Variants in THBS2 observed in about 807,000 individuals in gnomAD.
THBS2 encodes the protein thrombospondin-2.
A neutral mutation model predicts 135.2 loss-of-function variants in THBS2; 47 were observed. That is an observed-to-expected ratio of 0.35 (90% CI 0.28 to 0.44). The LOEUF is 0.44. THBS2 is among the 20% of genes least tolerant of loss of function. THBS2 has a pLI of 1.00. For missense variants in THBS2, 1,288 were observed against 1,603.1 expected (o/e 0.80, Z 3.36); for synonymous variants, 639 against 633.8 (o/e 1.01, Z -0.12).
intron 13 of THBS2, among the ~76,000 whole-genome samples, chr6:169,230,348 C>T (rs1399133867): frequency 6.6e-6 from 1 of 152,048 alleles, no homozygotes; most frequent in Non-Finnish European, 1.5e-5. Flanking sequence ...AGTTTCAGTA[C>T]AAGAGCCCCA....
intron 2 of THBS2, among the ~76,000 whole-genome samples, chr6:169,249,333 C>T (rs763425119): frequency 2.7e-4 from 41 of 152,158 alleles, no homozygotes; most frequent in Non-Finnish European, 5.3e-4. Flanking sequence ...GAGGGAATCC[C>T]GGCCTCGCTT....
rs904240789 is a variant in THBS2 at position 169,217,175 on chromosome 6, G to A, written c.*647C>T. 3 of 152,276 alleles carry A rather than the reference G, an allele frequency of 2.0e-5. No individual in the cohort carries two copies. The highest frequency in any genetic ancestry group is 7.2e-5 in the African/African-American group (3 of 41,460). The allele number at this position is 152,276 out of a possible 1,614,324, so 9.4% of individuals were successfully genotyped here. A position where few individuals can be genotyped will look rare whatever the true frequency, so the allele number is the denominator to read the frequency against. On this transcript the variant is annotated 3_prime_UTR_variant, in exon 22 of 22. Coordinates refer to ENST00000617924, the MANE Select transcript of THBS2 (RefSeq NM_003247.5). ...TCTACTGCACATGAGGGCTTTCATT[G>A]TAGGACAAGAGGAGAGTTCGTTTAT...
chr6:169,237,507 C>A, intron 8 of THBS2, 118 bp downstream of exon 8: 1 of 1,531,154 alleles, frequency 6.5e-7, no homozygotes, highest in Non-Finnish European at 8.9e-7. Flanking sequence ...TGGCTAGAAT[C>A]CTTGCAAAGG....
At chr6:169,237,027 T>C in intron 9 of THBS2, 143 bp downstream of exon 9, 2 of 916,924 alleles carry the variant, frequency 2.2e-6, no homozygotes, top group Non-Finnish European at 3.2e-6. Flanking sequence ...AGGCCCGGGA[T>C]GGCAGCCCCC....
At chr6:169,227,172 A>G (rs6940324) in intron 15 of THBS2, among the ~76,000 whole-genome samples, 98,303 of 151,816 alleles carry the variant, frequency 0.65, 32,785 homozygotes, top group African/African-American at 0.82. Flanking sequence ...TGGCTCAGAA[A>G]GGGGGTGGCT....
chr6:169,234,714 C>T lies in THBS2; in HGVS notation c.1651+20G>A, dbSNP rs9393156. The T allele has an allele frequency of 0.36, 540,743 of 1,502,264 alleles. 100,693 individuals carry two copies. The highest frequency in any genetic ancestry group is 0.54 in the East Asian group (21,551 of 39,964). 93.1% of individuals were successfully genotyped at this position (1,502,264 alleles called of 1,614,324 possible). On this transcript the variant is annotated intron_variant, in intron 10 of 21. Coordinates refer to ENST00000617924, the MANE Select transcript of THBS2 (RefSeq NM_003247.5). Reference sequence around the variant, plus strand: ...ATGGAAGCCCGGGTTTCAGTGCCCCCGCTTCTACCCCTCACTCACCCACGG... The same window carrying T: ...ATGGAAGCCCGGGTTTCAGTGCCCCTGCTTCTACCCCTCACTCACCCACGG...
chr6:169,242,873 C>A (rs376784797), intron 4 of THBS2, among the ~76,000 whole-genome samples: 71 of 76,196 alleles, frequency 9.3e-4, no homozygotes, highest in East Asian at 3.3e-3. Flanking sequence ...ACCTTCCCAC[C>A]TTCCCACCAC....
Position 169,217,574 on chromosome 6 carries a change from T to G in THBS2, c.*248A>C. On this transcript the variant is annotated 3_prime_UTR_variant, in exon 22 of 22. Transcript: ENST00000617924. ...TGGCATGCCCAATTTTCACTCCACA[T>G]AAAGTCTCATATATCACCAAACTGG... The G allele has an allele frequency of 4.3e-6, 2 of 467,940 alleles. No homozygotes were observed. The highest frequency in any genetic ancestry group is 1.2e-4 in the South Asian group (2 of 17,280). 29.0% of individuals were successfully genotyped at this position (467,940 alleles called of 1,614,324 possible).
In THBS2 at chr6:169,232,964, C is replaced by T. The variant is rs1405048230; in HGVS notation, c.1705G>A (p.Asp569Asn). ...FPGAQCSSFP[D>N]GSWSCGSCPV... ...CAGGAGCCGCATGACCAGGACCCAT[C>T]GGGGAAGCTGCTGCACTGGGCTCCC... Residue 569 changes from aspartate (D) to asparagine (N), a missense_variant, in exon 11 of 22, where the codon GAT (aspartate) becomes AAT (asparagine). This residue lies in a region of THBS2 where 874 missense variants were observed against 1,156.1 expected (regional missense o/e 0.76). Transcript: ENST00000617924. 4 of 1,558,930 alleles carry T rather than the reference C, an allele frequency of 2.6e-6. No individual in the cohort carries two copies. The highest frequency in any genetic ancestry group is 3.9e-5 in the Admixed American group (2 of 51,380).
At chr6:169,242,087 G>T in intron 4 of THBS2, 129 bp from the exon 5 acceptor site, 2 of 1,047,482 alleles carry the variant, frequency 1.9e-6, no homozygotes, top group Non-Finnish European at 2.7e-6. Flanking sequence ...CAAGGCGGAG[G>T]ACTGGGCCAG....
At chr6:169,222,717 C>T (rs970007329) in intron 18 of THBS2, among the ~76,000 whole-genome samples, 2 of 150,996 alleles carry the variant, frequency 1.3e-5, no homozygotes, top group Non-Finnish European at 2.9e-5. Flanking sequence ...ATCACTTGAA[C>T]CGGGGAAAAA....
intron 2 of THBS2, 47 bp from the exon 3 acceptor site, chr6:169,249,020 C>G (rs761788843): frequency 2.6e-6 from 4 of 1,538,312 alleles, no homozygotes; most frequent in Non-Finnish European, 3.5e-6. Flanking sequence ...GGGAAGAGGG[C>G]GAGGTTGGCC....
chr6:169,252,243 A>C lies in THBS2; in HGVS notation c.-22-1437T>G, dbSNP rs377020742. The C allele has an allele frequency of 4.9e-4, 74 of 152,288 alleles. No homozygotes were observed. Among genetic ancestry groups the C allele is most frequent in the African/African-American group, 1.6e-3 (68 of 41,550 alleles). The allele number at this position is 152,288 out of a possible 1,614,324, so 9.4% of individuals were successfully genotyped here. The stretch of plus-strand genomic sequence containing the variant: ...GATAGGGCCTTTCTATGGAGCTCTT[A>C]AGAGGGTTTAATGACAGGAGCGAAC... On this transcript the variant is annotated intron_variant, in intron 1 of 21. Coordinates refer to ENST00000617924, the MANE Select transcript of THBS2 (RefSeq NM_003247.5). This position sits in a 1 kb window ranked among gnomAD's most constrained non-coding sequence, Gnocchi z 4.3.
rs1562351272 is a variant in THBS2, at chr6:169,217,827, T to TATC, written c.3512-1_3513dup (p.Asp1171dup). On this transcript the variant is annotated inframe_insertion and splice_region_variant, in exon 22 of 22. Transcript: ENST00000617924. ...GGAAATGCAGCAAATCTTGTTTAAA[T>TATC]ATCTACAAAAAGAAAAAAAAAAGCA... 6.4e-6 allele frequency: 10 copies of TATC among 1,571,396 alleles called. No individual in the cohort carries two copies. Among genetic ancestry groups the TATC allele is most frequent in the Non-Finnish European group, 8.6e-6 (10 of 1,165,932 alleles).
At chr6:169,229,008 T>C (rs911258794) in intron 14 of THBS2, among the ~76,000 whole-genome samples, 1 of 152,110 alleles carries the variant, frequency 6.6e-6, no homozygotes, top group Non-Finnish European at 1.5e-5. Flanking sequence ...AATTTGTAGA[T>C]TGCTAAGGCA....
At chr6:169,232,628 C>T (rs1355699977) in intron 12 of THBS2, 36 bp downstream of exon 12, 5 of 1,557,180 alleles carry the variant, frequency 3.2e-6, no homozygotes, top group Non-Finnish European at 4.3e-6. Context: ...TTTCCAAAGC[C>T]GCTCGCAACA....
intron 21 of THBS2, 120 bp from the exon 22 acceptor site, chr6:169,217,949 T>C: frequency 1.1e-6 from 1 of 942,664 alleles, no homozygotes; most frequent in Non-Finnish European, 1.6e-6. Context: ...AGATCTATCA[T>C]ATGGATGGAT....
chr6:169,229,191 G>A (rs1779747089), intron 14 of THBS2, among the ~76,000 whole-genome samples: 1 of 152,166 alleles, frequency 6.6e-6, no homozygotes, highest in Non-Finnish European at 1.5e-5. Context: ...AACCATTTGT[G>A]TTTGCAGCAA....
At chr6:169,242,062 T>C in intron 4 of THBS2, 104 bp from the exon 5 acceptor site, 1 of 1,325,634 alleles carries the variant, frequency 7.5e-7, no homozygotes, top group Non-Finnish European at 1.0e-6. Flanking sequence ...CGGAGCGGCC[T>C]GGTGCTGGGA....
Sources: allele counts gnomAD v4.1 joint callset (sites outside exome capture counted in the v4.1 genomes callset), GRCh38; gene constraint gnomAD v4.1.1; regional missense constraint gnomAD v4.1.1; non-coding constraint Gnocchi (gnomAD v3.1); transcripts MANE v1.5; gene names NCBI Gene and HGNC (gene_info 2026-07-23, HGNC 2026-07-21).